Variants in VCAN observed in about 807,000 individuals in gnomAD.
The protein encoded by VCAN is versican.
VCAN carries 44 observed loss-of-function variants against 245.5 expected under a neutral mutation model. The ratio of observed to expected loss-of-function variants is 0.18; its 90% CI spans 0.14 to 0.23. VCAN has a LOEUF of 0.23. Ranked by LOEUF, VCAN falls within the 10% of genes least tolerant of loss-of-function variation. VCAN has a pLI of 1.00. For missense variants in VCAN, 3,793 were observed against 4,057.9 expected (o/e 0.93, Z 1.77); for synonymous variants, 1,413 against 1,437.0 (o/e 0.98, Z 0.38).
At chr5:83,558,274 T>C (rs2112477568) in intron 12 of VCAN, among the ~76,000 whole-genome samples, 1 of 152,302 alleles carries the variant, frequency 6.6e-6, no homozygotes, top group Non-Finnish European at 1.5e-5. Flanking sequence ...TCCAAGGTTT[T>C]TGCTTTTGAA....
At chr5:83,526,468 G>GA (rs1159300623) in intron 7 of VCAN, among the ~76,000 whole-genome samples, 46 of 152,200 alleles carry the variant, frequency 3.0e-4, no homozygotes, top group Middle Eastern at 3.4e-3. Flanking sequence ...GTTTGAGGGG[G>GA]ACATCGAGAA....
chr5:83,540,980 T>G lies in VCAN; in HGVS notation c.7977T>G (p.Asp2659Glu), dbSNP rs61754537. Residue 2659 changes from aspartate (D) to glutamate (E), a missense_variant, in exon 8 of 15, where the codon GAT becomes GAG. Asp to Glu is a conservative substitution (Grantham distance 45). Around this residue, in one of 5 missense-constraint regions of VCAN, gnomAD observed 3,182 missense variants for 3,250.3 expected, o/e 0.98. Coordinates refer to ENST00000265077, the MANE Select transcript of VCAN (RefSeq NM_004385.5). ...ATGATGAATCAATGACTTATGAAGATAGAAGCCAACTAGATCACATGGGCT... is the reference window on the plus strand; with the variant it reads ...ATGATGAATCAATGACTTATGAAGAGAGAAGCCAACTAGATCACATGGGCT... ...ATHDESMTYE[D>E]RSQLDHMGFH... The G allele has an allele frequency of 2.7e-5, 44 of 1,613,988 alleles. No homozygotes were observed. The highest frequency in any genetic ancestry group is 3.6e-5 in the Non-Finnish European group (43 of 1,179,998).
chr5:83,554,579 G>GT (rs1747591491), intron 11 of VCAN, among the ~76,000 whole-genome samples: 1 of 151,968 alleles, frequency 6.6e-6, no homozygotes, highest in African/African-American at 2.4e-5. Flanking sequence ...ATTTTATTGG[G>GT]TCACTGAATT....
chr5:83,567,902 G>A (rs995117385), intron 12 of VCAN, among the ~76,000 whole-genome samples: 1 of 152,152 alleles, frequency 6.6e-6, no homozygotes, highest in Non-Finnish European at 1.5e-5. Context: ...AAGATAGATC[G>A]CTCAGGATGT....
intron 7 of VCAN, among the ~76,000 whole-genome samples, chr5:83,530,918 TGTTCCTTAGAGAGAGA>T (rs1312331436): frequency 6.6e-6 from 1 of 152,108 alleles, no homozygotes; most frequent in Admixed American, 6.6e-5. Context: ...TTAAAAATCG[TGTTCCTTAGAGAGAGA>T]GTGCCAGTAT....
intron 12 of VCAN, among the ~76,000 whole-genome samples, chr5:83,556,288 G>C (rs1747663683): frequency 6.6e-6 from 1 of 152,208 alleles, no homozygotes; most frequent in Non-Finnish European, 1.5e-5. Context: ...GATGAAGCCA[G>C]AATTTGAACT....
In VCAN at chr5:83,568,135, T is replaced by A. The variant is rs550932866; in HGVS notation, c.9736-4281T>A. 1.1e-4 allele frequency among the ~76,000 whole-genome samples: 16 copies of A among 151,604 alleles called. No homozygotes were observed. The East Asian group carries it at 3.1e-3, about 29-fold the overall frequency. On this transcript the variant is annotated intron_variant, in intron 12 of 14. Transcript: ENST00000265077. Reference sequence around the variant, plus strand: ...GTACGTTATTGAAGCTAAAGTTAATTTTTTTTTTATATTTTCTCCCTACAA... The same window carrying A: ...GTACGTTATTGAAGCTAAAGTTAATATTTTTTTTATATTTTCTCCCTACAA...
Position 83,580,716 on chromosome 5 carries a change from G to A in VCAN, c.*282G>A. 2.4e-6 allele frequency: 1 copy of A among 421,958 alleles called. No homozygotes were observed. Among genetic ancestry groups the A allele is most frequent in the South Asian group, 2.1e-5 (1 of 47,764 alleles). 26.1% of individuals were successfully genotyped at this position (421,958 alleles called of 1,614,324 possible). On this transcript the variant is annotated 3_prime_UTR_variant, in exon 15 of 15. Transcript: ENST00000265077. ...CCTCCAGTGCAGTCCATTTCCTAAT[G>A]TATACCAGCCTACTGTACTATTTAA...
intron 13 of VCAN, among the ~76,000 whole-genome samples, chr5:83,578,133 A>G (rs1458195223): frequency 6.6e-6 from 1 of 152,142 alleles, no homozygotes; most frequent in African/African-American, 2.4e-5. Context: ...AGTGTGCACC[A>G]TGGAATACGA....
chr5:83,572,933 G>A (rs1046181077), intron 13 of VCAN, among the ~76,000 whole-genome samples: 7 of 149,484 alleles, frequency 4.7e-5, no homozygotes, highest in African/African-American at 1.7e-4. Flanking sequence ...ATGGAGTCTC[G>A]CTCTGTCACC....
intron 12 of VCAN, among the ~76,000 whole-genome samples, chr5:83,566,746 C>G (rs1422344650): frequency 6.6e-6 from 1 of 152,222 alleles, no homozygotes; most frequent in African/African-American, 2.4e-5. Context: ...TGCTGGCATG[C>G]ACAGAAGTCA....
At chr5:83,577,282 T>A (rs1167219182) in intron 13 of VCAN, among the ~76,000 whole-genome samples, 2 of 152,188 alleles carry the variant, frequency 1.3e-5, no homozygotes, top group Non-Finnish European at 2.9e-5. Context: ...GACATACTGA[T>A]TAATATGTAG....
At position 83,540,123 on chromosome 5, in the gene VCAN, C is replaced by T. The variant is rs767920303; in HGVS notation, c.7120C>T (p.Pro2374Ser). The T allele has an allele frequency of 1.2e-6, 2 of 1,613,938 alleles. No homozygotes were observed. The highest frequency in any genetic ancestry group is 8.5e-7 in the Non-Finnish European group (1 of 1,179,988). ...GGCAGAAGAAATCCAGACTAGTAGA[C>T]CACAAACCATAACTGAACAAGACTC... ...RWAEEIQTSRPQTITEQDSNK... is the reference protein window; with the variant it reads ...RWAEEIQTSRSQTITEQDSNK... The change falls in exon 8 of 15, where the codon CCA becomes TCA. Residue 2374 changes from proline to serine, a missense_variant. Pro to Ser is a moderately conservative substitution (Grantham distance 74, BLOSUM62 -1). Around this residue, in one of 5 missense-constraint regions of VCAN, gnomAD observed 3,182 missense variants for 3,250.3 expected, o/e 0.98. Transcript: ENST00000265077.
At chr5:83,558,874 C>T (rs1273255009) in intron 12 of VCAN, among the ~76,000 whole-genome samples, 1 of 151,978 alleles carries the variant, frequency 6.6e-6, no homozygotes, top group Admixed American at 6.6e-5. Context: ...GGTGTTTGCC[C>T]AATAAATTTC....
In VCAN at chr5:83,541,761, C is replaced by T. The variant is rs760541340; in HGVS notation, c.8758C>T (p.Leu2920Phe). Residue 2920 changes from leucine to phenylalanine, a missense_variant, in exon 8 of 15, where the codon CTT (leucine) becomes TTT (phenylalanine). By Grantham distance (22) the Leu-to-Phe change is conservative. Transcript: ENST00000265077. ...AGAAATGGAAGCTTCTCCCACAGAA[C>T]TTATTGCTGTGGAAGGAACTGAGAT... is the stretch of plus-strand genomic sequence containing the variant. ...LEEMEASPTE[L>F]IAVEGTEILQ... 7.4e-6 allele frequency: 12 copies of T among 1,614,060 alleles called. No individual in the cohort carries two copies. In the East Asian group the frequency reaches 2.7e-4, roughly 36 times the overall value.
At chr5:83,472,395 G>T (rs962066) in intron 1 of VCAN, among the ~76,000 whole-genome samples, 41,694 of 151,796 alleles carry the variant, frequency 0.27, 6,435 homozygotes, top group Non-Finnish European at 0.36. Flanking sequence ...TGATTTTTTT[G>T]TTGTTGTTGT....
chr5:83,577,370 A>G (rs1748523509), intron 13 of VCAN, among the ~76,000 whole-genome samples: 1 of 152,192 alleles, frequency 6.6e-6, no homozygotes, highest in Non-Finnish European at 1.5e-5. Flanking sequence ...AGAGCATTTT[A>G]GCTTGTATTT....
intron 5 of VCAN, among the ~76,000 whole-genome samples, chr5:83,504,831 A>T (rs975384839): frequency 6.6e-6 from 1 of 152,210 alleles, no homozygotes; most frequent in Non-Finnish European, 1.5e-5. Flanking sequence ...AAGACTGGGA[A>T]GAAAAAGAGG....
intron 12 of VCAN, among the ~76,000 whole-genome samples, chr5:83,560,904 G>T (rs759601883): frequency 6.6e-5 from 10 of 152,080 alleles, no homozygotes; most frequent in Non-Finnish European, 1.0e-4. Flanking sequence ...GTCTTCAGTG[G>T]ATCAGACGCA....
Sources: gnomAD v4.1 joint callset for allele counts (sites outside exome capture counted in the v4.1 genomes callset) on GRCh38, gnomAD v4.1.1 for gene constraint, gnomAD v4.1.1 regional missense constraint, MANE v1.5 for transcripts, NCBI Gene and HGNC (gene_info 2026-07-23, HGNC 2026-07-21) for gene names.